The following GSN variants were observed in gnomAD, a reference collection of about 807,000 sequenced individuals.
GSN encodes the protein gelsolin.
In GSN, 56 loss-of-function variants were observed where a neutral mutation model predicts 85.7. That is an observed-to-expected ratio of 0.65 (90% CI 0.53 to 0.82). The LOEUF is 0.82. Ranked by LOEUF, GSN falls within the 40% of genes least tolerant of loss-of-function variation. GSN has a pLI of 0.00. For synonymous variants in GSN, 373 were observed against 399.1 expected, an observed-to-expected ratio of 0.93 and a Z score of 0.78; for missense variants, 857 against 979.8, an observed-to-expected ratio of 0.87 and a Z score of 1.67.
At chr9:121,282,079 G>A (rs1293117873) in intron 2 of GSN, 2 of 468,020 alleles carry the variant, frequency 4.3e-6, no homozygotes, top group Non-Finnish European at 8.7e-6. Flanking sequence ...GCAGGGTGGG[G>A]CCCACCTGAC....
In GSN at chr9:121,321,358, A is replaced by G. The variant is rs1368620778; in HGVS notation, c.1282A>G (p.Asn428Asp). The part of the protein sequence containing the change: ...YGGDSYIILY[N>D]YRHGGRQGQI... ...AGGCGACAGCTACATCATTCTGTAC[A>G]ACTACCGCCATGGTGGCCGCCAGGG... is the stretch of plus-strand genomic sequence containing the variant. The change falls in exon 11 of 18, where the codon AAC becomes GAC. Residue 428 changes from asparagine (N) to aspartate (D), a missense_variant. By Grantham distance (23) the Asn-to-Asp change is conservative. Transcript: ENST00000432226. 3 of 1,613,988 alleles carry G rather than the reference A, an allele frequency of 1.9e-6. No homozygotes were observed. Among genetic ancestry groups the G allele is most frequent in the Admixed American group, 3.3e-5 (2 of 59,998 alleles).
chr9:121,220,534 G>T lies in GSN; in HGVS notation c.-528+9667G>T, dbSNP rs557556388. ...TGAGGAACTTTGCCACGGTCACTCA[G>T]CCAATGGGTGGGAGAGCAAGGTCCC... On this transcript the variant is annotated intron_variant, in intron 4 of 24. Coordinates refer to the GSN transcript ENST00000373823. Among the ~76,000 whole-genome samples the T allele has an allele frequency of 2.7e-5, 4 of 146,492 alleles. No individual in the cohort carries two copies. The East Asian group carries it at 8.4e-4, about 31-fold the overall frequency.
chr9:121,297,104 T>C (rs2059292693), intron 2 of GSN, among the ~76,000 whole-genome samples: 1 of 152,170 alleles, frequency 6.6e-6, no homozygotes, highest in Non-Finnish European at 1.5e-5. Flanking sequence ...GCTAAGAAAA[T>C]TTCTTCCTAC....
At chr9:121,223,643 G>A (rs1368900420) in intron 4 of GSN, among the ~76,000 whole-genome samples, 2 of 151,744 alleles carry the variant, frequency 1.3e-5, no homozygotes, top group Admixed American at 6.6e-5. Flanking sequence ...TACTTATAAC[G>A]TACTTTATAA....
Position 121,318,787 on chromosome 9 carries a change from G to T in GSN, c.1098G>T (p.Val366=). The T allele has an allele frequency of 1.9e-6, 3 of 1,614,162 alleles. No homozygotes were observed. The highest frequency in any genetic ancestry group is 2.5e-6 in the Non-Finnish European group (3 of 1,180,010). ...LSYLSSHIAN[V]ERVPFDAATL... ...ACCTTTCCAGCCATATCGCCAACGT[G>T]GAGCGGGTGCCCTTCGACGCCGCCA... is the stretch of plus-strand genomic sequence containing the variant. The change falls in exon 10 of 18, where the codon GTG becomes GTT. Residue 366 remains valine (V), a synonymous_variant. Coordinates refer to ENST00000432226, the MANE Select transcript of GSN (RefSeq NM_198252.3). The surrounding 1 kb of genome is among the most constrained non-coding windows in gnomAD (Gnocchi z 4.3).
At chr9:121,241,383 A>T (rs1211720537) in intron 5 of GSN, among the ~76,000 whole-genome samples, 2 of 152,210 alleles carry the variant, frequency 1.3e-5, no homozygotes, top group Admixed American at 6.5e-5. Flanking sequence ...TGAAAATATG[A>T]GTCTAAAACT....
At chr9:121,303,559 C>G (rs1476698493) in intron 4 of GSN, among the ~76,000 whole-genome samples, 1 of 152,232 alleles carries the variant, frequency 6.6e-6, no homozygotes, top group Non-Finnish European at 1.5e-5. Context: ...AGACAGAGCT[C>G]TTTTCCCAAG....
At chr9:121,252,659 C>T (rs1396869546) in intron 6 of GSN, among the ~76,000 whole-genome samples, 1 of 152,170 alleles carries the variant, frequency 6.6e-6, no homozygotes, top group Non-Finnish European at 1.5e-5. Context: ...AAGGCAGCCA[C>T]GTCTTCCAAG....
intron 1 of GSN, among the ~76,000 whole-genome samples, chr9:121,279,678 G>GCACCTT (rs2057108747): frequency 6.6e-6 from 1 of 152,088 alleles, no homozygotes; most frequent in Non-Finnish European, 1.5e-5. Context: ...CAGTAGGGGA[G>GCACCTT]GAGCACATTG....
intron 2 of GSN, among the ~76,000 whole-genome samples, chr9:121,292,117 A>G (rs987270794): frequency 2.6e-5 from 4 of 152,040 alleles, no homozygotes; most frequent in African/African-American, 9.7e-5. Context: ...GGCTGTTCTC[A>G]AACTACTGGG....
intron 4 of GSN, among the ~76,000 whole-genome samples, chr9:121,228,846 T>TACACACAG (rs2054330379): frequency 6.6e-6 from 1 of 152,198 alleles, no homozygotes; most frequent in African/African-American, 2.4e-5. Context: ...TGCATGTATG[T>TACACACAG]ACACACAGAC....
chr9:121,305,612 G>A (rs952972512), intron 4 of GSN, among the ~76,000 whole-genome samples: 16 of 152,332 alleles, frequency 1.1e-4, no homozygotes, highest in South Asian at 6.2e-4. Context: ...ATCCTCGCTC[G>A]GATATGGCCT....
At chr9:121,256,841 A>G (rs2054972420) in intron 6 of GSN, among the ~76,000 whole-genome samples, 1 of 152,214 alleles carries the variant, frequency 6.6e-6, no homozygotes, top group Non-Finnish European at 1.5e-5. Context: ...GTGAGCCAAG[A>G]TCGTGCCACT....
intron 4 of GSN, among the ~76,000 whole-genome samples, chr9:121,223,701 C>A (rs1232121984): frequency 1.3e-5 from 2 of 152,116 alleles, no homozygotes; most frequent in Non-Finnish European, 2.9e-5. Flanking sequence ...ACTCTGTTGT[C>A]TAGGCTGGAG....
At chr9:121,219,950 C>T (rs952882956) in intron 4 of GSN, among the ~76,000 whole-genome samples, 2 of 151,826 alleles carry the variant, frequency 1.3e-5, no homozygotes, top group Admixed American at 6.6e-5. Context: ...GGCGCGATCT[C>T]AGCTCACCGC....
At chr9:121,266,014 A>C (rs1297568164), upstream of GSN, among the ~76,000 whole-genome samples, 1 of 152,152 alleles carries the variant, frequency 6.6e-6, no homozygotes, top group Non-Finnish European at 1.5e-5. Flanking sequence ...ATCATCAATC[A>C]ATCATCATCA....
chr9:121,242,721 A>G (rs1464213718), intron 5 of GSN, among the ~76,000 whole-genome samples: 2 of 152,026 alleles, frequency 1.3e-5, no homozygotes, highest in Non-Finnish European at 2.9e-5. Context: ...CTCAGGAGAG[A>G]ATGGTGCAGC....
intron 10 of GSN, among the ~76,000 whole-genome samples, chr9:121,320,531 G>A (rs767142801): frequency 9.2e-5 from 14 of 152,070 alleles, no homozygotes; most frequent in African/African-American, 4.8e-5. Flanking sequence ...TGTAATCCCA[G>A]CTACTCGGGA....
chr9:121,246,449 G>A (rs372459150), intron 5 of GSN, among the ~76,000 whole-genome samples: 10 of 152,180 alleles, frequency 6.6e-5, no homozygotes, highest in African/African-American at 2.2e-4. Flanking sequence ...GCGAAAATGA[G>A]GCAATTATCA....
Sources: gnomAD v4.1 joint callset for allele counts (sites outside exome capture counted in the v4.1 genomes callset) on GRCh38, gnomAD v4.1.1 for gene constraint, Gnocchi (gnomAD v3.1) non-coding constraint, MANE v1.5 for transcripts, NCBI Gene and HGNC (gene_info 2026-07-23, HGNC 2026-07-21) for gene names.